Variants in PHF24 observed in about 807,000 individuals in gnomAD.
The protein encoded by PHF24 is Galpha inhibitory interacting protein.
Under a neutral mutation model 42.6 loss-of-function variants are expected in PHF24, and 25 were observed. That is an observed-to-expected ratio of 0.59 (90% CI 0.43 to 0.82). PHF24 has a LOEUF of 0.82. Ranked by LOEUF, PHF24 falls within the 40% of genes least tolerant of loss-of-function variation. The pLI is 0.00. For synonymous variants in PHF24, 185 were observed against 204.8 expected (o/e 0.90, Z 0.83); for missense variants, 470 against 538.1 (o/e 0.87, Z 1.25).
chr9:34,909,982 T>A, the PHF24 span, among the ~76,000 whole-genome samples: 1 of 152,230 alleles, frequency 6.6e-6, no homozygotes, highest in African/African-American at 2.4e-5. Context: ...GGAGTGATTG[T>A]TTTGTTTCAT....
chr9:34,913,404 T>C, the PHF24 span, among the ~76,000 whole-genome samples: 4 of 152,264 alleles, frequency 2.6e-5, no homozygotes, highest in South Asian at 2.1e-4. Flanking sequence ...AATTGCTTGA[T>C]TTCATTTTCC....
chr9:34,949,720 A>T, the PHF24 span, among the ~76,000 whole-genome samples: 1 of 152,136 alleles, frequency 6.6e-6, no homozygotes, highest in African/African-American at 2.4e-5. Flanking sequence ...GAAGCTGGAA[A>T]CCATCATCCT....
the PHF24 span, among the ~76,000 whole-genome samples, chr9:34,849,805 A>G: frequency 2.6e-4 from 40 of 152,260 alleles, no homozygotes; most frequent in Middle Eastern, 3.4e-3. Flanking sequence ...TGGTGGTGAC[A>G]AAATCTCTCA....
At chr9:34,813,373 A>C in the PHF24 span, among the ~76,000 whole-genome samples, 1 of 152,168 alleles carries the variant, frequency 6.6e-6, no homozygotes, top group East Asian at 1.9e-4. Flanking sequence ...GTAACAAATG[A>C]CCTGAAATGT....
At chr9:34,723,208 T>G in the PHF24 span, 34 of 1,544,980 alleles carry the variant, frequency 2.2e-5, no homozygotes, top group Non-Finnish European at 2.9e-5. Context: ...GACCAATGTT[T>G]CTATCTGAGG....
At chr9:34,706,471 T>C in the PHF24 span, among the ~76,000 whole-genome samples, 2 of 152,206 alleles carry the variant, frequency 1.3e-5, no homozygotes, top group Admixed American at 1.3e-4. Context: ...TTGGTACTTT[T>C]GGATATATTT....
the PHF24 span, among the ~76,000 whole-genome samples, chr9:34,822,262 G>C: frequency 6.6e-6 from 1 of 151,990 alleles, no homozygotes; most frequent in Non-Finnish European, 1.5e-5. Flanking sequence ...CCAGATTACT[G>C]TATGGTAATA....
At chr9:34,666,061 C>A in the PHF24 span, 2 of 272,356 alleles carry the variant, frequency 7.3e-6, no homozygotes, top group Non-Finnish European at 1.4e-5. Flanking sequence ...GTTACTATTA[C>A]GTCACAGGGA....
chr9:34,672,877 G>A, the PHF24 span, among the ~76,000 whole-genome samples: 3 of 152,134 alleles, frequency 2.0e-5, no homozygotes, highest in South Asian at 6.2e-4. Flanking sequence ...CATGATCATG[G>A]CTCACTGCAG....
the PHF24 span, chr9:34,728,654 A>C: frequency 6.4e-7 from 1 of 1,551,420 alleles, no homozygotes; most frequent in Admixed American, 2.0e-5. Context: ...TTTTGGTGAC[A>C]CTTAGAAGAC....
the PHF24 span, among the ~76,000 whole-genome samples, chr9:34,848,715 C>T: frequency 2.1e-4 from 32 of 151,600 alleles, no homozygotes; most frequent in African/African-American, 7.5e-4. Context: ...TTGGATCTTT[C>T]CTGCTTTCTC....
chr9:34,679,721 T>G, the PHF24 span, among the ~76,000 whole-genome samples: 1 of 151,752 alleles, frequency 6.6e-6, no homozygotes, highest in Non-Finnish European at 1.5e-5. Flanking sequence ...CTCAAAAAAC[T>G]TCCATATTGT....
chr9:34,766,106 T>C, the PHF24 span, among the ~76,000 whole-genome samples: 1 of 152,208 alleles, frequency 6.6e-6, no homozygotes, highest in South Asian at 2.1e-4. Context: ...GTGGGTAACC[T>C]GACCTTTCTC....
At chr9:34,864,037 A>C in the PHF24 span, among the ~76,000 whole-genome samples, 2 of 152,366 alleles carry the variant, frequency 1.3e-5, no homozygotes, top group Non-Finnish European at 1.5e-5. Context: ...TTCTAATAGC[A>C]GAATTGATGA....
chr9:34,667,024 G>A, the PHF24 span, among the ~76,000 whole-genome samples: 2 of 152,206 alleles, frequency 1.3e-5, no homozygotes. Flanking sequence ...GAGCTGGGAG[G>A]ATCAAAAGAG....
the PHF24 span, among the ~76,000 whole-genome samples, chr9:34,913,180 A>G: frequency 1.3e-5 from 2 of 152,172 alleles, no homozygotes; most frequent in African/African-American, 4.8e-5. Flanking sequence ...GATGAGTACA[A>G]TCATGAGGAC....
chr9:34,961,430 T>G (rs1222958773), intron 1 of PHF24, among the ~76,000 whole-genome samples: 1 of 152,208 alleles, frequency 6.6e-6, no homozygotes, highest in African/African-American at 2.4e-5. Context: ...CTCCCCACTC[T>G]TCCAGCAATC....
chr9:34,709,093 A>T, the PHF24 span: 2 of 487,218 alleles, frequency 4.1e-6, no homozygotes, highest in Non-Finnish European at 7.2e-6. Context: ...GAGCCGTATC[A>T]GGTCCAGGGT....
chr9:34,728,846 A>G, the PHF24 span, among the ~76,000 whole-genome samples: 2 of 152,112 alleles, frequency 1.3e-5, no homozygotes, highest in African/African-American at 4.8e-5. Context: ...TTTTGGATTC[A>G]CTTGGAGGCT....
Sources: gnomAD v4.1 joint callset for allele counts (sites outside exome capture counted in the v4.1 genomes callset) on GRCh38, gnomAD v4.1.1 for gene constraint, MANE v1.5 for transcripts, NCBI Gene and HGNC (gene_info 2026-07-23, HGNC 2026-07-21) for gene names.